DNMT3A: variants seen among roughly 807,000 people sequenced by gnomAD.
The protein encoded by DNMT3A is DNA (cytosine-5)-methyltransferase 3A.
A neutral mutation model predicts 117.6 loss-of-function variants in DNMT3A; 267 were observed. The observed-to-expected ratio is 2.27, with a 90% CI of 2.05 to 2.51. The LOEUF (loss-of-function observed/expected upper bound fraction) is 2.51, where lower values mean the gene tolerates loss of function less well. Ranked by LOEUF, DNMT3A falls within the 30% of genes most tolerant of loss-of-function variation. The pLI, the probability that DNMT3A is intolerant of heterozygous loss-of-function variation, is 0.00. For missense variants in DNMT3A, 1,029 were observed against 1,260.2 expected (o/e 0.82, Z 2.78); for synonymous variants, 432 against 474.8 (o/e 0.91, Z 1.17).
rs1400944824 is a variant in DNMT3A, at chr2:25,247,439, C to T, written c.1014+152G>A. 4.9e-6 allele frequency: 6 copies of T among 1,228,672 alleles called. No homozygotes were observed. The East Asian group carries it at 1.2e-4, about 25-fold the overall frequency. The allele number at this position is 1,228,672 out of a possible 1,614,324, so 76.1% of individuals were successfully genotyped here. A position where few individuals can be genotyped will look rare whatever the true frequency, so the allele number is the denominator to read the frequency against. ...GAGCCACAGGTGCAACCTAATTATC[C>T]CTACAGCTTCTTCCACCCACCACAG... On this transcript the variant is annotated intron_variant, in intron 8 of 22. Transcript: ENST00000321117. This position sits in a 1 kb window ranked among gnomAD's most constrained non-coding sequence, Gnocchi z 5.6.
intron 2 of DNMT3A, among the ~76,000 whole-genome samples, chr2:25,302,472 T>C (rs536335030): frequency 6.6e-6 from 1 of 152,192 alleles, no homozygotes; most frequent in Non-Finnish European, 1.5e-5. Context: ...GGGAGCCCCG[T>C]GCCGTCTGTG....
intron 4 of DNMT3A, among the ~76,000 whole-genome samples, chr2:25,275,756 T>C (rs2031357912): frequency 6.6e-6 from 1 of 152,062 alleles, no homozygotes; most frequent in African/African-American, 2.4e-5. Context: ...GAGAAAGAAC[T>C]CGGGCAGGGG....
At position 25,252,271 on chromosome 2, in the gene DNMT3A, C is replaced by T. The variant is rs1279420786; in HGVS notation, c.640-4019G>A. ...CCCTGAAGCTCTGGAAGTAGCTGCC[C>T]GTCTTGGGGGAGGGGAAGGGGGCGA... is the stretch of plus-strand genomic sequence containing the variant. On this transcript the variant is annotated intron_variant, in intron 6 of 22. Coordinates refer to ENST00000321117, the MANE Select transcript of DNMT3A (RefSeq NM_022552.5). The surrounding 1 kb of genome is among the most constrained non-coding windows in gnomAD (Gnocchi z 5.5). 1.8e-4 allele frequency: 181 copies of T among 1,023,216 alleles called. 4 individuals carry two copies. In the South Asian group the frequency reaches 2.0e-3, roughly 11 times the overall value. The allele number at this position is 1,023,216 out of a possible 1,614,324, so 63.4% of individuals were successfully genotyped here.
chr2:25,243,884 C>A lies in DNMT3A; in HGVS notation c.1936+14G>T. 4.5e-6 allele frequency: 7 copies of A among 1,551,872 alleles called. 1 individual carries two copies. The South Asian group carries it at 8.3e-5, about 18-fold the overall frequency. ...GACAAGGCGGCCAGCACCTCTTGGG[C>A]CTGCACCCCTCACCTGTAGCGATTC... On this transcript the variant is annotated intron_variant, in intron 16 of 22. Transcript: ENST00000321117.
chr2:25,249,767 C>T (rs373947317), intron 6 of DNMT3A: 251 of 1,607,680 alleles, frequency 1.6e-4, no homozygotes, highest in Non-Finnish European at 1.9e-4. Context: ...CTCTGAGAAC[C>T]ATTAGCCTTT....
Position 25,240,642 on chromosome 2 carries a change from T to C in DNMT3A, c.2171A>G (p.Tyr724Cys), listed in dbSNP as rs1330225644. 2 of 1,614,188 alleles carry C rather than the reference T, an allele frequency of 1.2e-6. No homozygotes were observed. ...GGAGGGGACAGGATGGTACCTACCGTAGAGGCCCTTGCGAGCAGGGTTGAC... is the reference window on the plus strand; with the variant it reads ...GGAGGGGACAGGATGGTACCTACCGCAGAGGCCCTTGCGAGCAGGGTTGAC... ...SIVNPARKGL[Y>C]EGTGRLFFEF... The change falls in exon 18 of 23, where the codon TAC becomes TGC. Residue 724 changes from tyrosine to cysteine, a missense_variant and splice_region_variant. Tyr to Cys is a radical substitution (Grantham distance 194). Coordinates refer to ENST00000321117, the MANE Select transcript of DNMT3A (RefSeq NM_022552.5).
At position 25,230,256 on chromosome 2, in the gene DNMT3A, C is replaced by A. The variant is rs1397675698; in HGVS notation, c.*4023G>T. ...GCCCGCCTGCGGCCCCCCAGTCTGC[C>A]GGTGCACCAGCCTGTCGCTCCCGTG... On this transcript the variant is annotated 3_prime_UTR_variant, in exon 23 of 23. Coordinates refer to ENST00000321117, the MANE Select transcript of DNMT3A (RefSeq NM_022552.5). The A allele has an allele frequency of 6.6e-6, 1 of 152,478 alleles. No homozygotes were observed. The highest frequency in any genetic ancestry group is 2.4e-5 in the African/African-American group (1 of 41,572). 9.4% of individuals were successfully genotyped at this position (152,478 alleles called of 1,614,324 possible). A position where few individuals can be genotyped will look rare whatever the true frequency, so the allele number is the denominator to read the frequency against.
Position 25,282,619 on chromosome 2 carries a change from A to G in DNMT3A, c.270T>C (p.Asn90=), listed in dbSNP as rs1162728512. The G allele has an allele frequency of 1.9e-5, 30 of 1,613,438 alleles. No individual in the cohort carries two copies. Among genetic ancestry groups the G allele is most frequent in the Non-Finnish European group, 2.0e-5 (24 of 1,179,922 alleles). ...GCTCACTCCGCTTCTCCAAGTCCCC[A>G]TTGGGTAATAGCTCTGAGGCGCCTG... ...QDSGASELLP[N]GDLEKRSEPQ... The change falls in exon 4 of 23, where the codon AAT becomes AAC. Residue 90 remains asparagine (N), a synonymous_variant. Transcript: ENST00000321117. This position sits in a 1 kb window ranked among gnomAD's most constrained non-coding sequence, Gnocchi z 5.2.
chr2:25,280,665 T>C (rs2031826726), intron 4 of DNMT3A, among the ~76,000 whole-genome samples: 1 of 152,216 alleles, frequency 6.6e-6, no homozygotes, highest in African/African-American at 2.4e-5. Flanking sequence ...AATGTCTGTC[T>C]CTCCAGCTGA....
chr2:25,316,167 C>T (rs777595708), intron 1 of DNMT3A, among the ~76,000 whole-genome samples: 1 of 152,172 alleles, frequency 6.6e-6, no homozygotes, highest in Non-Finnish European at 1.5e-5. Flanking sequence ...GGAAGCGGGG[C>T]GGGAGGGTTG....
intron 6 of DNMT3A, chr2:25,249,821 A>G (rs1265628261): frequency 7.4e-7 from 1 of 1,346,810 alleles, no homozygotes; most frequent in Non-Finnish European, 1.1e-6. Context: ...AAGGCTTTGC[A>G]CCCATTTCCA....
Position 25,304,787 on chromosome 2 carries a change from C to G in DNMT3A, c.73-4544G>C, listed in dbSNP as rs892554008. ...GAAAGCAAACTGCTTCCGGCCTCAG[C>G]CCCTAGGCATAGACTGTTCTTCTGA... On this transcript the variant is annotated intron_variant, in intron 2 of 22. Transcript: ENST00000321117. This position sits in a 1 kb window ranked among gnomAD's most constrained non-coding sequence, Gnocchi z 4.3. 5.9e-5 allele frequency among the ~76,000 whole-genome samples: 9 copies of G among 152,220 alleles called. No homozygotes were observed. Among genetic ancestry groups the G allele is most frequent in the African/African-American group, 1.9e-4 (8 of 41,442 alleles).
At position 25,293,346 on chromosome 2, in the gene DNMT3A, G is replaced by C. The variant is rs975814819; in HGVS notation, c.177+6793C>G. ...AGGGATGAACGCCATGCTCATGGGT[G>C]CCAGAGCCAATTTCTCAAACACGAC... On this transcript the variant is annotated intron_variant, in intron 3 of 22. Transcript: ENST00000321117. This position sits in a 1 kb window ranked among gnomAD's most constrained non-coding sequence, Gnocchi z 4.7. 1.3e-5 allele frequency among the ~76,000 whole-genome samples: 2 copies of C among 152,154 alleles called. No individual in the cohort carries two copies. The highest frequency in any genetic ancestry group is 4.8e-5 in the African/African-American group (2 of 41,426).
chr2:25,318,725 T>G (rs1168769435), intron 1 of DNMT3A, among the ~76,000 whole-genome samples: 4 of 144,630 alleles, frequency 2.8e-5, no homozygotes, highest in African/African-American at 1.0e-4. Flanking sequence ...TGAGATGGAG[T>G]CTCGCTCTGT....
At chr2:25,318,025 G>A (rs1350741901) in intron 1 of DNMT3A, among the ~76,000 whole-genome samples, 2 of 152,110 alleles carry the variant, frequency 1.3e-5, no homozygotes, top group East Asian at 3.9e-4. Flanking sequence ...ATGAGCCACC[G>A]CGCCGGCCGG....
At chr2:25,314,985 C>T (rs1323137877) in intron 1 of DNMT3A, among the ~76,000 whole-genome samples, 1 of 152,192 alleles carries the variant, frequency 6.6e-6, no homozygotes, top group Non-Finnish European at 1.5e-5. Context: ...CTGTCTCAGC[C>T]CCCTCACTCA....
intron 11 of DNMT3A, 35 bp downstream of exon 11, chr2:25,246,125 C>G (rs1243154695): frequency 2.5e-6 from 4 of 1,614,152 alleles, no homozygotes; most frequent in Non-Finnish European, 3.4e-6. Flanking sequence ...ATGCAGGCCT[C>G]CTGGTGCCAC....
chr2:25,285,271 C>T (rs1007748007), intron 3 of DNMT3A, among the ~76,000 whole-genome samples: 3 of 152,242 alleles, frequency 2.0e-5, no homozygotes, highest in Admixed American at 1.3e-4. Flanking sequence ...TTTGCTCTAA[C>T]GGTCTAGGAC....
intron 6 of DNMT3A, among the ~76,000 whole-genome samples, chr2:25,273,351 A>G (rs1476483764): frequency 6.6e-6 from 1 of 152,042 alleles, no homozygotes; most frequent in African/African-American, 2.4e-5. Flanking sequence ...ACCTCCTTTC[A>G]GCTTCCCAAA....
Sources: allele counts gnomAD v4.1 joint callset (sites outside exome capture counted in the v4.1 genomes callset), GRCh38; gene constraint gnomAD v4.1.1; non-coding constraint Gnocchi (gnomAD v3.1); transcripts MANE v1.5; gene names NCBI Gene and HGNC (gene_info 2026-07-23, HGNC 2026-07-21).